Variants in BTAF1 observed in about 807,000 individuals in gnomAD.
BTAF1 encodes TATA-binding protein-associated factor 172.
A neutral mutation model predicts 227.1 loss-of-function variants in BTAF1; 38 were observed. The observed-to-expected ratio is 0.17, with a 90% CI of 0.13 to 0.22. The LOEUF (loss-of-function observed/expected upper bound fraction) is 0.22. BTAF1 is among the 10% of genes least tolerant of loss of function. The pLI is 1.00. For synonymous variants in BTAF1, 742 were observed against 751.9 expected (o/e 0.99, Z 0.21); for missense variants, 1,598 against 2,204.0 (o/e 0.73, Z 5.51).
At position 92,029,199 on chromosome 10, in the gene BTAF1, G is replaced by T. The variant is rs1208325503; in HGVS notation, c.*266G>T. 3.5e-6 allele frequency: 1 copy of T among 283,162 alleles called. No individual in the cohort carries two copies. Among genetic ancestry groups the T allele is most frequent in the Non-Finnish European group, 6.4e-6 (1 of 155,182 alleles). The allele number at this position is 283,162 out of a possible 1,614,324, so 17.5% of individuals were successfully genotyped here. On this transcript the variant is annotated 3_prime_UTR_variant, in exon 38 of 38. Coordinates refer to ENST00000265990, the MANE Select transcript of BTAF1 (RefSeq NM_003972.3). ...CAGAGGAACCAAACCAGGTTTATTT[G>T]TGCTACCAGGAGGTGTTCTTAATGG... is the stretch of plus-strand genomic sequence containing the variant.
chr10:92,014,029 G>T lies in BTAF1; in HGVS notation c.4584G>T (p.Gln1528His). 6.2e-7 allele frequency: 1 copy of T among 1,605,584 alleles called. No individual in the cohort carries two copies. The change falls in exon 32 of 38, where the codon CAG becomes CAT. Residue 1528 changes from glutamine (Q) to histidine (H), a missense_variant and splice_region_variant. By Grantham distance (24) the Gln-to-His change is conservative. This residue lies in a region of BTAF1 where 205 missense variants were observed against 244.5 expected (regional missense o/e 0.84). Coordinates refer to ENST00000265990, the MANE Select transcript of BTAF1 (RefSeq NM_003972.3). ...ATTATTGTACTCTTAGTCCTCTCCA[G>T]GTTAGGAATCTCGTGTTTATCATTG... ...QDYYCTLSPL[Q>H]VQLYEDFAKS...
chr10:91,988,547 T>C (rs937758199), intron 19 of BTAF1, among the ~76,000 whole-genome samples: 2 of 152,236 alleles, frequency 1.3e-5, no homozygotes, highest in Non-Finnish European at 1.5e-5. Context: ...TCCTGTAGCC[T>C]TAGATAGCTC....
chr10:91,984,265 A>G lies in BTAF1; in HGVS notation c.2288A>G (p.Tyr763Cys), dbSNP rs766690328. 6.2e-7 allele frequency: 1 copy of G among 1,613,972 alleles called. No homozygotes were observed. The highest frequency in any genetic ancestry group is 2.2e-5 in the East Asian group (1 of 44,836). ...CTTGATATCCTTTCAGAACATTTAT[A>G]TTATGACGAAATTGCCGTTCCATTC... ...RLLDILSEHL[Y>C]YDEIAVPFTR... The change falls in exon 19 of 38, where the codon TAT (tyrosine) becomes TGT (cysteine). Residue 763 changes from tyrosine (Y) to cysteine (C), a missense_variant. By Grantham distance (194) the Tyr-to-Cys change is radical. Around this residue, in one of 10 missense-constraint regions of BTAF1, gnomAD observed 318 missense variants for 435.0 expected, o/e 0.73. Transcript: ENST00000265990.
intron 35 of BTAF1, among the ~76,000 whole-genome samples, chr10:92,025,236 A>G (rs369065939): frequency 5.3e-5 from 8 of 152,194 alleles, no homozygotes; most frequent in African/African-American, 1.9e-4. Flanking sequence ...AACAGTAAGG[A>G]TAACTACTTT....
chr10:91,983,909 A>G (rs1218461552), intron 18 of BTAF1, among the ~76,000 whole-genome samples: 2 of 149,952 alleles, frequency 1.3e-5, no homozygotes, highest in Admixed American at 1.3e-4. Flanking sequence ...TTTTTTTACC[A>G]TAATACACTT....
intron 1 of BTAF1, among the ~76,000 whole-genome samples, chr10:91,932,596 G>A (rs1297028648): frequency 6.6e-6 from 1 of 152,176 alleles, no homozygotes; most frequent in African/African-American, 2.4e-5. Context: ...GAAGCCTAAT[G>A]AGGAAAATTA....
At chr10:91,933,691 T>G (rs1450212599) in intron 1 of BTAF1, among the ~76,000 whole-genome samples, 2 of 152,204 alleles carry the variant, frequency 1.3e-5, no homozygotes, top group Non-Finnish European at 2.9e-5. Flanking sequence ...GTGTGGTATT[T>G]TGGTGTAGAA....
At position 91,989,418 on chromosome 10, in the gene BTAF1, G is replaced by C. The variant is rs957872470; in HGVS notation, c.2692G>C (p.Ala898Pro). Residue 898 changes from alanine to proline, a missense_variant, in exon 20 of 38, where the codon GCT (alanine) becomes CCT (proline). Physicochemically the swap from Ala to Pro is conservative, Grantham distance 27. Around this residue, in one of 10 missense-constraint regions of BTAF1, gnomAD observed 425 missense variants for 491.2 expected, o/e 0.87. Transcript: ENST00000265990. ...EENTLVQNYAAQCIAKLLQQC... is the reference protein window; with the variant it reads ...EENTLVQNYAPQCIAKLLQQC... ...GAATACACTAGTGCAAAACTATGCA[G>C]CTCAGTGCATAGCTAAACTCCTTCA... 6 of 1,614,128 alleles carry C rather than the reference G, an allele frequency of 3.7e-6. No individual in the cohort carries two copies. The highest frequency in any genetic ancestry group is 5.1e-6 in the Non-Finnish European group (6 of 1,180,020).
intron 4 of BTAF1, 91 bp downstream of exon 4, chr10:91,942,659 T>C (rs1294484391): frequency 2.2e-5 from 30 of 1,366,316 alleles, no homozygotes; most frequent in Non-Finnish European, 2.9e-5. Context: ...ACACGTAAAC[T>C]AACATGTCAT....
intron 14 of BTAF1, among the ~76,000 whole-genome samples, chr10:91,970,872 G>T (rs1013164947): frequency 2.0e-5 from 3 of 152,214 alleles, no homozygotes; most frequent in African/African-American, 7.2e-5. Context: ...TAGGTGATGT[G>T]GTTAAAAAAA....
intron 1 of BTAF1, among the ~76,000 whole-genome samples, 156 bp from the exon 2 acceptor site, chr10:91,935,501 C>T (rs887842408): frequency 2.6e-5 from 4 of 152,142 alleles, no homozygotes; most frequent in Non-Finnish European, 5.9e-5. Context: ...ATTTATCTTT[C>T]TGTGTCTGGC....
At position 91,940,062 on chromosome 10, in the gene BTAF1, A is replaced by C; in HGVS notation, c.249A>C (p.Arg83Ser). ...VPEWNPVPRT[R>S]QEPTSESSME... is the part of the protein sequence containing the mutation. ...AGTGGAATCCAGTGCCGAGAACCAG[A>C]CAAGGTGCTTTTAAGTGGAGAAAGT... is the stretch of plus-strand genomic sequence containing the variant. Residue 83 changes from arginine (R) to serine (S), a missense_variant, in exon 3 of 38, where the codon AGA becomes AGC. By Grantham distance (110) the Arg-to-Ser change is moderately radical. Around this residue, in one of 10 missense-constraint regions of BTAF1, gnomAD observed 298 missense variants for 395.2 expected, o/e 0.75. Coordinates refer to ENST00000265990, the MANE Select transcript of BTAF1 (RefSeq NM_003972.3). 6.2e-7 allele frequency: 1 copy of C among 1,605,338 alleles called. No homozygotes were observed. Among genetic ancestry groups the C allele is most frequent in the Non-Finnish European group, 8.5e-7 (1 of 1,173,254 alleles).
intron 4 of BTAF1, among the ~76,000 whole-genome samples, chr10:91,947,394 G>A (rs1014300867): frequency 2.6e-5 from 4 of 151,886 alleles, no homozygotes; most frequent in South Asian, 2.1e-4. Context: ...TATGTTTTGA[G>A]GTTAAGGGTC....
At chr10:91,925,516 C>CTTTTTTT (rs6144026) in intron 1 of BTAF1, among the ~76,000 whole-genome samples, 5 of 114,578 alleles carry the variant, frequency 4.4e-5, no homozygotes, top group Admixed American at 1.0e-4. Flanking sequence ...ACGCTAATCT[C>CTTTTTTT]TTTTTTTTTT....
intron 14 of BTAF1, among the ~76,000 whole-genome samples, chr10:91,969,232 T>A (rs1717785970): frequency 6.6e-6 from 1 of 152,046 alleles, no homozygotes; most frequent in Admixed American, 6.5e-5. Context: ...CTGCAGGCTA[T>A]TTTTAACTTG....
intron 26 of BTAF1, 134 bp from the exon 27 acceptor site, chr10:92,008,694 GT>G: frequency 1.2e-6 from 1 of 833,576 alleles, no homozygotes; most frequent in East Asian, 2.9e-5. Flanking sequence ...TGTGTTTAGT[GT>G]CTTATACCCA....
chr10:91,962,730 G>C (rs1335656711), intron 12 of BTAF1, 52 bp downstream of exon 12: 9 of 1,466,690 alleles, frequency 6.1e-6, no homozygotes, highest in Non-Finnish European at 8.2e-6. Flanking sequence ...TTTCATTTGG[G>C]ATATGGAGTA....
chr10:91,924,487 T>C (rs1232777305), intron 1 of BTAF1, among the ~76,000 whole-genome samples: 1 of 152,230 alleles, frequency 6.6e-6, no homozygotes, highest in African/African-American at 2.4e-5. Flanking sequence ...GAAACCTGAA[T>C]TACTATTATC....
intron 1 of BTAF1, among the ~76,000 whole-genome samples, chr10:91,930,404 G>GAGAAA (rs969495515): frequency 7.9e-5 from 12 of 152,138 alleles, no homozygotes; most frequent in African/African-American, 2.7e-4. Context: ...AGGTATAGCA[G>GAGAAA]AGAAAAAAAC....
Sources: gnomAD v4.1 joint callset for allele counts (sites outside exome capture counted in the v4.1 genomes callset) on GRCh38, gnomAD v4.1.1 for gene constraint, gnomAD v4.1.1 regional missense constraint, MANE v1.5 for transcripts, NCBI Gene and HGNC (gene_info 2026-07-23, HGNC 2026-07-21) for gene names.